ZBTB46: variants seen among roughly 807,000 people sequenced by gnomAD.
ZBTB46 encodes zinc finger and BTB domain containing 46, also known as zinc finger and BTB domain-containing protein 46.
ZBTB46 carries 8 observed loss-of-function variants against 44.1 expected under a neutral mutation model. That is an observed-to-expected ratio of 0.18 (90% CI 0.11 to 0.33). The LOEUF is 0.33. ZBTB46 is among the 10% of genes least tolerant of loss of function. The probability of loss-of-function intolerance (pLI) is 1.00; values close to 1 mark genes in which losing one functional copy is unlikely to be tolerated. For missense variants in ZBTB46, 651 were observed against 847.7 expected (o/e 0.77, Z 2.88); for synonymous variants, 409 against 382.3 (o/e 1.07, Z -0.81).
At chr20:63,819,446 G>T (rs1022036309) in intron 1 of ZBTB46, among the ~76,000 whole-genome samples, 2 of 152,086 alleles carry the variant, frequency 1.3e-5, no homozygotes, top group Non-Finnish European at 2.9e-5. Flanking sequence ...TCACCCGGAG[G>T]CGTCTGTGAT....
At chr20:63,792,121 C>G (rs2092566087) in intron 1 of ZBTB46, among the ~76,000 whole-genome samples, 1 of 152,196 alleles carries the variant, frequency 6.6e-6, no homozygotes. Flanking sequence ...GGCCCACCCC[C>G]ACGGCCTCAT....
At chr20:63,749,571 C>T (rs561760517) in intron 4 of ZBTB46, among the ~76,000 whole-genome samples, 145 of 152,192 alleles carry the variant, frequency 9.5e-4, no homozygotes, top group Non-Finnish European at 1.9e-3. Flanking sequence ...CTCCTGACCT[C>T]GTGATCTGCC....
Position 63,752,754 on chromosome 20 carries a change from G to A in ZBTB46, c.1330C>T (p.Arg444Trp). The A allele has an allele frequency of 6.2e-7, 1 of 1,612,056 alleles. No individual in the cohort carries two copies. Among genetic ancestry groups the A allele is most frequent in the African/African-American group, 1.3e-5 (1 of 75,044 alleles). Reference protein sequence around the residue: ...KRHMRSHTGERPYPCEICGKK... With the variant: ...KRHMRSHTGEWPYPCEICGKK... ...CCGCAGATCTCGCAGGGGTAGGGCCGCTCTCCCGTGTGCGAGCGCATGTGT... is the reference window on the plus strand; with the variant it reads ...CCGCAGATCTCGCAGGGGTAGGGCCACTCTCCCGTGTGCGAGCGCATGTGT... Residue 444 changes from arginine to tryptophan, a missense_variant, in exon 4 of 5, where the codon CGG (arginine) becomes TGG (tryptophan). Coordinates refer to ENST00000245663, the MANE Select transcript of ZBTB46 (RefSeq NM_001369741.1). This position sits in a 1 kb window ranked among gnomAD's most constrained non-coding sequence, Gnocchi z 5.6.
At chr20:63,779,267 T>C (rs940708791) in intron 2 of ZBTB46, among the ~76,000 whole-genome samples, 33 of 152,034 alleles carry the variant, frequency 2.2e-4, no homozygotes, top group Non-Finnish European at 5.9e-5. Context: ...TGAGACGGAG[T>C]TTCGCTCTTG....
upstream of ZBTB46, among the ~76,000 whole-genome samples, chr20:63,833,392 C>T (rs964515869): frequency 6.6e-6 from 1 of 152,160 alleles, no homozygotes; most frequent in South Asian, 2.1e-4. Flanking sequence ...GAGATCGAGA[C>T]CATCCTGGCT....
At chr20:63,778,989 C>T (rs923515632) in intron 2 of ZBTB46, among the ~76,000 whole-genome samples, 3 of 152,066 alleles carry the variant, frequency 2.0e-5, no homozygotes, top group Admixed American at 6.5e-5. Flanking sequence ...CTGCAGATGG[C>T]GGCAGGTGAG....
chr20:63,758,064 C>T (rs1404653245), intron 3 of ZBTB46, among the ~76,000 whole-genome samples: 2 of 67,108 alleles, frequency 3.0e-5, no homozygotes, highest in Non-Finnish European at 5.7e-5. Flanking sequence ...GCTCACACTC[C>T]CTCCACCCGC....
intron 3 of ZBTB46, among the ~76,000 whole-genome samples, chr20:63,766,612 G>A (rs2145823652): frequency 6.6e-6 from 1 of 152,250 alleles, no homozygotes; most frequent in South Asian, 2.1e-4. Flanking sequence ...GAGGCGTCTG[G>A]CAGCTCAGAA....
intron 1 of ZBTB46, chr20:63,815,315 G>C: frequency 3.4e-6 from 1 of 290,140 alleles, no homozygotes; most frequent in South Asian, 2.8e-5. Flanking sequence ...AGTGGGTGCA[G>C]ATGGGCACAG....
intron 3 of ZBTB46, among the ~76,000 whole-genome samples, chr20:63,755,893 C>T (rs13039839): frequency 2.0e-5 from 3 of 152,278 alleles, no homozygotes; most frequent in African/African-American, 4.8e-5. Flanking sequence ...GTCCTAAAAA[C>T]GGAACCCTTT....
chr20:63,814,602 G>T (rs2092737521), intron 1 of ZBTB46, among the ~76,000 whole-genome samples: 1 of 152,108 alleles, frequency 6.6e-6, no homozygotes, highest in Non-Finnish European at 1.5e-5. Context: ...CCAGGCAAGG[G>T]TCCTCATTTG....
At chr20:63,814,307 A>T (rs2092735483) in intron 1 of ZBTB46, among the ~76,000 whole-genome samples, 1 of 152,028 alleles carries the variant, frequency 6.6e-6, no homozygotes. Context: ...AGAGATGAGT[A>T]AGACAAGAGC....
chr20:63,761,301 A>G (rs922703006), intron 3 of ZBTB46, among the ~76,000 whole-genome samples: 1 of 151,550 alleles, frequency 6.6e-6, no homozygotes, highest in Non-Finnish European at 1.5e-5. Context: ...ACTCACCCTG[A>G]TATCTATTCT....
At position 63,746,589 on chromosome 20, in the gene ZBTB46, G is replaced by A. The variant is rs992316280; in HGVS notation, c.*341C>T. 1.2e-4 allele frequency: 33 copies of A among 279,044 alleles called. No individual in the cohort carries two copies. In the Admixed American group the frequency reaches 1.5e-3, roughly 12 times the overall value. 17.3% of individuals were successfully genotyped at this position (279,044 alleles called of 1,614,324 possible). On this transcript the variant is annotated 3_prime_UTR_variant, in exon 5 of 5. Coordinates refer to ENST00000245663, the MANE Select transcript of ZBTB46 (RefSeq NM_001369741.1). ...ACCCCGCCCAGTGCCCACTGGACCC[G>A]GCCACAGGCCCATCACGTGTCCAAG...
intron 2 of ZBTB46, 37 bp from the exon 3 acceptor site, chr20:63,775,999 C>A: frequency 6.7e-7 from 1 of 1,503,694 alleles, no homozygotes; most frequent in Non-Finnish European, 8.8e-7. Flanking sequence ...AGACACGGGT[C>A]GTTCCCAGAC....
In ZBTB46 at chr20:63,775,822, C is replaced by A; in HGVS notation, c.1078G>T (p.Ala360Ser). ...GPPLTPEKDD[A>S]LHQATAVANL... is the part of the protein sequence containing the mutation. The stretch of plus-strand genomic sequence containing the variant: ...GCCACCGCGGTGGCCTGATGCAGGG[C>A]GTCGTCCTTCTCTGGGGTGAGGGGA... The change falls in exon 3 of 5, where the codon GCC (alanine) becomes TCC (serine). Residue 360 changes from alanine (A) to serine (S), a missense_variant. Physicochemically the swap from Ala to Ser is moderately conservative, Grantham distance 99 (BLOSUM62 1). Coordinates refer to ENST00000245663, the MANE Select transcript of ZBTB46 (RefSeq NM_001369741.1). 6.2e-7 allele frequency: 1 copy of A among 1,613,512 alleles called. No individual in the cohort carries two copies. Among genetic ancestry groups the A allele is most frequent in the Non-Finnish European group, 8.5e-7 (1 of 1,179,988 alleles).
At chr20:63,784,118 G>A (rs775826852) in intron 2 of ZBTB46, among the ~76,000 whole-genome samples, 1 of 152,226 alleles carries the variant, frequency 6.6e-6, no homozygotes, top group African/African-American at 2.4e-5. Context: ...GGGAACACCA[G>A]AAGGGGACAC....
chr20:63,764,263 C>A (rs767105732), intron 3 of ZBTB46, among the ~76,000 whole-genome samples: 2 of 152,070 alleles, frequency 1.3e-5, no homozygotes, highest in African/African-American at 4.8e-5. Context: ...ATGGTGAAAC[C>A]GTCTCTACTA....
chr20:63,755,962 G>A (rs2092216799), intron 3 of ZBTB46, among the ~76,000 whole-genome samples: 1 of 152,224 alleles, frequency 6.6e-6, no homozygotes, highest in Admixed American at 6.5e-5. Flanking sequence ...TAACTGAGAA[G>A]CGATGCTATC....
Sources: gnomAD v4.1 joint callset for allele counts (sites outside exome capture counted in the v4.1 genomes callset) on GRCh38, gnomAD v4.1.1 for gene constraint, Gnocchi (gnomAD v3.1) non-coding constraint, MANE v1.5 for transcripts, NCBI Gene and HGNC (gene_info 2026-07-23, HGNC 2026-07-21) for gene names.